The following SYCP1 variants were observed in gnomAD, a reference collection of about 807,000 sequenced individuals.
SYCP1 encodes the protein synaptonemal complex protein 1, also known as cancer/testis antigen 8.
A neutral mutation model predicts 153.1 loss-of-function variants in SYCP1; 64 were observed. The ratio of observed to expected loss-of-function variants is 0.42; its 90% CI spans 0.34 to 0.51. The LOEUF is 0.51. Ranked by LOEUF, SYCP1 falls within the 20% of genes least tolerant of loss-of-function variation. The pLI is 0.06. For missense variants in SYCP1, 997 were observed against 1,049.0 expected (o/e 0.95, Z 0.68); for synonymous variants, 384 against 341.8 (o/e 1.12, Z -1.36).
intron 23 of SYCP1, among the ~76,000 whole-genome samples, chr1:114,932,763 C>T (rs566844835): frequency 6.6e-6 from 1 of 152,230 alleles, no homozygotes; most frequent in African/African-American, 2.4e-5. Flanking sequence ...TATCCCTTGC[C>T]TGGCTGGGAG....
At chr1:114,895,897 G>C (rs1451146218) in intron 16 of SYCP1, among the ~76,000 whole-genome samples, 1 of 152,098 alleles carries the variant, frequency 6.6e-6, no homozygotes, top group Non-Finnish European at 1.5e-5. Flanking sequence ...TAGTGAAGAT[G>C]TAGGGTAAAA....
intron 21 of SYCP1, among the ~76,000 whole-genome samples, chr1:114,925,498 G>C (rs1235059836): frequency 6.6e-6 from 1 of 152,070 alleles, no homozygotes; most frequent in East Asian, 1.9e-4. Context: ...AAAGAATCCA[G>C]GTTGTAAATA....
chr1:114,882,046 A>T (rs2101520423), intron 12 of SYCP1, among the ~76,000 whole-genome samples: 1 of 152,258 alleles, frequency 6.6e-6, no homozygotes. Flanking sequence ...CTGAGTAAGA[A>T]AAAAACGTGG....
At chr1:114,932,262 C>G (rs1383302838) in intron 23 of SYCP1, among the ~76,000 whole-genome samples, 1 of 151,926 alleles carries the variant, frequency 6.6e-6, no homozygotes, top group African/African-American at 2.4e-5. Flanking sequence ...AATGAATAGA[C>G]AAGGTACAAA....
intron 27 of SYCP1, among the ~76,000 whole-genome samples, chr1:114,956,170 C>T (rs1015770441): frequency 6.6e-6 from 1 of 152,128 alleles, no homozygotes; most frequent in African/African-American, 2.4e-5. Context: ...TGAGATCTAT[C>T]TTGTCTGGGA....
intron 3 of SYCP1, 126 bp from the exon 4 acceptor site, chr1:114,857,106 A>G (rs916202601): frequency 4.2e-6 from 3 of 717,184 alleles, no homozygotes; most frequent in African/African-American, 4.1e-5. Context: ...CCTCTAGTCT[A>G]GGCAATAGTG....
intron 23 of SYCP1, among the ~76,000 whole-genome samples, chr1:114,939,186 A>T (rs981031601): frequency 6.6e-6 from 1 of 152,194 alleles, no homozygotes; most frequent in Non-Finnish European, 1.5e-5. Context: ...GAATGGGTAG[A>T]CTAAATGTGG....
intron 5 of SYCP1, 62 bp from the exon 6 acceptor site, chr1:114,858,485 C>T: frequency 1.5e-6 from 2 of 1,371,266 alleles, no homozygotes; most frequent in Non-Finnish European, 2.0e-6. Flanking sequence ...TTTCAGTAGG[C>T]AGCTGTAGTT....
chr1:114,980,702 AT>A lies in SYCP1; in HGVS notation c.2383-625del, dbSNP rs200674112. Among the ~76,000 whole-genome samples, 64 of 151,520 alleles carry A rather than the reference AT, an allele frequency of 4.2e-4. 2 individuals carry two copies. The South Asian group carries it at 0.012, about 29-fold the overall frequency. The stretch of plus-strand genomic sequence containing the variant: ...GGGCTTTTTGCCACCAGGAGTAAAG[AT>A]TTTTTTTTATTTTTTAAAGAGAATC... On this transcript the variant is annotated intron_variant, in intron 28 of 31. Coordinates refer to ENST00000369522, the MANE Select transcript of SYCP1 (RefSeq NM_003176.4).
intron 27 of SYCP1, among the ~76,000 whole-genome samples, chr1:114,960,554 G>A (rs1228513271): frequency 6.6e-6 from 1 of 152,042 alleles, no homozygotes; most frequent in African/African-American, 2.4e-5. Context: ...TTTTCTCCAC[G>A]TCCTCGTCAG....
chr1:114,926,392 G>A, intron 22 of SYCP1, 52 bp downstream of exon 22: 1 of 1,486,178 alleles, frequency 6.7e-7, no homozygotes, highest in Middle Eastern at 1.8e-4. Context: ...TTTCACCACA[G>A]TTTTAGAGAA....
At chr1:114,865,226 T>G (rs892264717) in intron 8 of SYCP1, among the ~76,000 whole-genome samples, 6 of 152,312 alleles carry the variant, frequency 3.9e-5, no homozygotes, top group South Asian at 4.1e-4. Context: ...TCTGTGATTT[T>G]TTTTTTGCCA....
chr1:114,934,955 A>G (rs933811733), intron 23 of SYCP1, among the ~76,000 whole-genome samples: 1 of 152,140 alleles, frequency 6.6e-6, no homozygotes, highest in South Asian at 2.1e-4. Flanking sequence ...CACAATAATA[A>G]TGGGAGACTT....
At chr1:114,876,404 A>G (rs1223619585) in intron 10 of SYCP1, among the ~76,000 whole-genome samples, 1 of 151,800 alleles carries the variant, frequency 6.6e-6, no homozygotes, top group Non-Finnish European at 1.5e-5. Context: ...CTCTTTTTAC[A>G]TATCTTGGTA....
chr1:114,986,548 T>G (rs768229577), intron 30 of SYCP1, among the ~76,000 whole-genome samples: 4 of 152,042 alleles, frequency 2.6e-5, no homozygotes, highest in Admixed American at 2.6e-4. Flanking sequence ...TGCACACAAT[T>G]GTTCAAACTA....
At chr1:114,913,589 A>T (rs764092560) in intron 19 of SYCP1, among the ~76,000 whole-genome samples, 1 of 152,094 alleles carries the variant, frequency 6.6e-6, no homozygotes, top group Non-Finnish European at 1.5e-5. Context: ...AGTTTGCAGG[A>T]TCACTTCTGC....
At chr1:114,966,258 C>A (rs373786930) in intron 27 of SYCP1, among the ~76,000 whole-genome samples, 1 of 151,900 alleles carries the variant, frequency 6.6e-6, no homozygotes, top group African/African-American at 2.4e-5. Context: ...GTCTGGCTAG[C>A]AGTCTATCTA....
intron 27 of SYCP1, among the ~76,000 whole-genome samples, chr1:114,961,146 G>A (rs1212658805): frequency 6.6e-6 from 1 of 152,058 alleles, no homozygotes. Flanking sequence ...ATGTTAAGGT[G>A]TTCATAGTAG....
intron 9 of SYCP1, among the ~76,000 whole-genome samples, chr1:114,875,373 C>G (rs1665446543): frequency 6.6e-6 from 1 of 151,554 alleles, no homozygotes; most frequent in Middle Eastern, 3.4e-3. Context: ...CATTCTCCTG[C>G]CTCAGCCTCC....
Sources: allele counts gnomAD v4.1 joint callset (sites outside exome capture counted in the v4.1 genomes callset), GRCh38; gene constraint gnomAD v4.1.1; transcripts MANE v1.5; gene names NCBI Gene and HGNC (gene_info 2026-07-23, HGNC 2026-07-21).